Variants in SPINT1 observed in about 807,000 individuals in gnomAD.
SPINT1 encodes serine peptidase inhibitor, Kunitz type 1.
SPINT1 carries 38 observed loss-of-function variants against 53.7 expected under a neutral mutation model. That is an observed-to-expected ratio of 0.71 (90% confidence interval 0.55 to 0.93). SPINT1 has a LOEUF of 0.93. Ranked by LOEUF, SPINT1 falls within the 40% of genes least tolerant of loss-of-function variation. The probability of loss-of-function intolerance (pLI) is 0.00; values close to 1 mark genes in which losing one functional copy is unlikely to be tolerated. For synonymous variants in SPINT1, 283 were observed against 280.6 expected (o/e 1.01, Z -0.08); for missense variants, 645 against 692.9 (o/e 0.93, Z 0.78).
At position 40,856,165 on chromosome 15, in the gene SPINT1, C is replaced by T. The variant is rs759320692; in HGVS notation, c.1288+103C>T. The T allele has an allele frequency of 1.9e-4, 309 of 1,585,852 alleles. 1 individual carries two copies. Among genetic ancestry groups the T allele is most frequent in the African/African-American group, 3.1e-4 (23 of 74,456 alleles). ...GGGAGTCACCCCTCCATCCTCAGAG[C>T]GCCTGGAGTAGGAGTGGGAGAGGAT... On this transcript the variant is annotated intron_variant, in intron 9 of 10. Transcript: ENST00000562057.
intron 5 of SPINT1, 85 bp downstream of exon 5, chr15:40,853,966 G>C (rs775390954): frequency 6.2e-7 from 1 of 1,610,852 alleles, no homozygotes; most frequent in East Asian, 2.2e-5. Flanking sequence ...AGGGAGGTGG[G>C]TGGTGGGAGC....
chr15:40,845,140 TTTTTC>T, intron 2 of SPINT1, 111 bp downstream of exon 2: 6 of 892,454 alleles, frequency 6.7e-6, no homozygotes, highest in Non-Finnish European at 9.8e-6. Flanking sequence ...TTCACTTTTT[TTTTTC>T]TTTTTCTTTC....
chr15:40,845,318 ATTTTTTTTTTTTT>A (rs34480117), intron 2 of SPINT1, among the ~76,000 whole-genome samples: 34 of 58,202 alleles, frequency 5.8e-4, no homozygotes, highest in African/African-American at 2.0e-3. Context: ...GACCCGGCTA[ATTTTTTTTTTTTT>A]TTTTTTTTTT....
Position 40,858,039 on chromosome 15 carries a change from C to T in SPINT1, c.*1064C>T, listed in dbSNP as rs989556082. 2 of 152,178 alleles carry T rather than the reference C, an allele frequency of 1.3e-5. No homozygotes were observed. The highest frequency in any genetic ancestry group is 4.8e-5 in the African/African-American group (2 of 41,416). The allele number at this position is 152,178 out of a possible 1,614,324, so 9.4% of individuals were successfully genotyped here. On this transcript the variant is annotated 3_prime_UTR_variant, in exon 11 of 11. Coordinates refer to ENST00000562057, the MANE Select transcript of SPINT1 (RefSeq NM_003710.4). ...AGGGCCCAGGTGACTAGCTGTCTCC[C>T]TCCCAACAGAAGCCCTGGCTTCTGC...
At chr15:40,847,826 C>T (rs1257373937) in intron 2 of SPINT1, among the ~76,000 whole-genome samples, 1 of 151,996 alleles carries the variant, frequency 6.6e-6, no homozygotes, top group African/African-American at 2.4e-5. Context: ...TACTTCCACT[C>T]TGGGGGCCTG....
At chr15:40,853,331 C>A (rs1409381991) in intron 3 of SPINT1, 80 bp downstream of exon 3, 5 of 1,606,366 alleles carry the variant, frequency 3.1e-6, no homozygotes, top group Non-Finnish European at 4.3e-6. Flanking sequence ...CTAGGCCAAC[C>A]AATGGCCCCG....
At chr15:40,854,193 G>C in intron 6 of SPINT1, 107 bp downstream of exon 6, 1 of 1,398,182 alleles carries the variant, frequency 7.2e-7, no homozygotes, top group African/African-American at 1.4e-5. Flanking sequence ...CCTCCCCTCA[G>C]AGTTTGTGGA....
chr15:40,851,216 C>T (rs545079301), intron 2 of SPINT1, among the ~76,000 whole-genome samples: 8 of 151,550 alleles, frequency 5.3e-5, no homozygotes, highest in Non-Finnish European at 1.2e-4. Context: ...TGCAGTGGCA[C>T]GATCTCGGCT....
intron 10 of SPINT1, 51 bp from the exon 11 acceptor site, chr15:40,856,719 C>A: frequency 6.2e-7 from 1 of 1,608,180 alleles, no homozygotes; most frequent in South Asian, 1.1e-5. Flanking sequence ...GGGTGGGTGT[C>A]AGAACCAGGC....
intron 2 of SPINT1, among the ~76,000 whole-genome samples, chr15:40,852,381 GT>G (rs1343089254): frequency 6.6e-6 from 1 of 152,154 alleles, no homozygotes; most frequent in Non-Finnish European, 1.5e-5. Context: ...ACGTTTATGG[GT>G]TCCAGGGGTT....
In SPINT1 at chr15:40,855,823, G is replaced by A. The variant is rs2307098; in HGVS notation, c.1118-69G>A. The A allele has an allele frequency of 5.5e-3, 8,439 of 1,535,428 alleles. 228 individuals are homozygous for A. The East Asian group carries it at 0.094, about 17-fold the overall frequency. ...TGGGGAGGTGCTGGGCAGCAGCCAC[G>A]TGGAGCCTAGCAGAAGGTGGCAGGG... On this transcript the variant is annotated intron_variant, in intron 8 of 10. Transcript: ENST00000562057.
At position 40,857,080 on chromosome 15, in the gene SPINT1, C is replaced by T. The variant is rs1262239169; in HGVS notation, c.*105C>T. On this transcript the variant is annotated 3_prime_UTR_variant, in exon 11 of 11. Transcript: ENST00000562057. ...CCAGACTCTTGCCTGTTTCCCAGGC[C>T]CACTGTGCCTCAGAGACCAGGGCTC... 9 of 1,433,912 alleles carry T rather than the reference C, an allele frequency of 6.3e-6. No homozygotes were observed. The highest frequency in any genetic ancestry group is 4.7e-5 in the East Asian group (2 of 42,864). The allele number at this position is 1,433,912 out of a possible 1,614,324, so 88.8% of individuals were successfully genotyped here.
chr15:40,845,070 A>T, intron 2 of SPINT1, 41 bp downstream of exon 2: 1 of 1,515,440 alleles, frequency 6.6e-7, no homozygotes, highest in Non-Finnish European at 8.9e-7. Flanking sequence ...GAGAGACTCA[A>T]AAAAGGGACT....
At chr15:40,847,177 G>A (rs544153329) in intron 2 of SPINT1, among the ~76,000 whole-genome samples, 1 of 152,340 alleles carries the variant, frequency 6.6e-6, no homozygotes, top group Non-Finnish European at 1.5e-5. Context: ...AGGCAGGTAG[G>A]GCTTGGACTT....
Position 40,856,308 on chromosome 15 carries a change from C to T in SPINT1, c.1321C>T (p.Pro441Ser), listed in dbSNP as rs1024527836. The T allele has an allele frequency of 6.2e-7, 1 of 1,614,026 alleles. No homozygotes were observed. Among genetic ancestry groups the T allele is most frequent in the African/African-American group, 1.3e-5 (1 of 74,902 alleles). ...KDVFGLRREI[P>S]IPSTGSVEMA... Reference sequence around the variant, plus strand: ...TGTGTTTGGCCTGAGGCGGGAAATCCCCATTCCCAGCACAGGTAAGCCCTG... The same window carrying T: ...TGTGTTTGGCCTGAGGCGGGAAATCTCCATTCCCAGCACAGGTAAGCCCTG... The change falls in exon 10 of 11, where the codon CCC becomes TCC. Residue 441 changes from proline (P) to serine (S), a missense_variant. By Grantham distance (74) the Pro-to-Ser change is moderately conservative. Transcript: ENST00000562057.
At chr15:40,851,141 C>G (rs2142009328) in intron 2 of SPINT1, among the ~76,000 whole-genome samples, 1 of 152,040 alleles carries the variant, frequency 6.6e-6, no homozygotes, top group East Asian at 1.9e-4. Context: ...CTCATGTGTT[C>G]TGCCATTTTC....
Position 40,844,846 on chromosome 15 carries a change from A to G in SPINT1, c.292A>G (p.Asn98Asp). Residue 98 changes from asparagine to aspartate, a missense_variant, in exon 2 of 11, where the codon AAC becomes GAC. Transcript: ENST00000562057. This position sits in a 1 kb window ranked among gnomAD's most constrained non-coding sequence, Gnocchi z 5.8. ...VRACCTTQNCNLALVELQPDR... is the reference protein window; with the variant it reads ...VRACCTTQNCDLALVELQPDR... ...CGCCTGCTGCACCACCCAGAACTGC[A>G]ACTTGGCGCTAGTGGAGCTGCAGCC... 1.2e-6 allele frequency: 2 copies of G among 1,613,782 alleles called. No individual in the cohort carries two copies. The highest frequency in any genetic ancestry group is 1.7e-6 in the Non-Finnish European group (2 of 1,179,990).
In SPINT1 at chr15:40,853,871, G is replaced by A. The variant is rs1891542274; in HGVS notation, c.903G>A (p.Arg301=). ...LREEECILAC[R]GVQGPSMERR... is the part of the protein sequence containing the mutation. ...AAGAAGAGTGCATTCTAGCCTGTCGGGGTGTGCAAGGTGGGCCTTTGAGAG... is the reference window on the plus strand; with the variant it reads ...AAGAAGAGTGCATTCTAGCCTGTCGAGGTGTGCAAGGTGGGCCTTTGAGAG... The change falls in exon 5 of 11, where the codon CGG becomes CGA. Residue 301 remains arginine (R), a synonymous_variant. Coordinates refer to ENST00000562057, the MANE Select transcript of SPINT1 (RefSeq NM_003710.4). 6.2e-7 allele frequency: 1 copy of A among 1,614,090 alleles called. No homozygotes were observed. The highest frequency in any genetic ancestry group is 1.3e-5 in the African/African-American group (1 of 74,932).
chr15:40,852,069 A>G (rs1891474544), intron 2 of SPINT1, among the ~76,000 whole-genome samples: 1 of 152,194 alleles, frequency 6.6e-6, no homozygotes, highest in Non-Finnish European at 1.5e-5. Flanking sequence ...AGAGTTCTGG[A>G]GGCCAGAAGC....
Sources: gnomAD v4.1 joint callset for allele counts (sites outside exome capture counted in the v4.1 genomes callset) on GRCh38, gnomAD v4.1.1 for gene constraint, Gnocchi (gnomAD v3.1) non-coding constraint, MANE v1.5 for transcripts, NCBI Gene and HGNC (gene_info 2026-07-23, HGNC 2026-07-21) for gene names.